Variants in NALCN observed in about 807,000 individuals in gnomAD.
The protein encoded by NALCN is sodium leak channel, non-selective.
A neutral mutation model predicts 225.3 loss-of-function variants in NALCN; 111 were observed. The observed-to-expected ratio is 0.49, with a 90% CI of 0.42 to 0.58. The LOEUF (loss-of-function observed/expected upper bound fraction) is 0.58. Among genes scored for constraint, NALCN ranks in the 20% least tolerant of loss-of-function variants. NALCN has a pLI of 0.00. For synonymous variants in NALCN, 764 were observed against 769.0 expected, an observed-to-expected ratio of 0.99 and a Z score of 0.11; for missense variants, 1,378 against 2,202.4, an observed-to-expected ratio of 0.63 and a Z score of 7.49.
At chr13:101,400,697 C>T (rs777117323) in intron 1 of NALCN, among the ~76,000 whole-genome samples, 2 of 152,164 alleles carry the variant, frequency 1.3e-5, no homozygotes, top group Non-Finnish European at 2.9e-5. Flanking sequence ...CTATCCCCAT[C>T]GCTATGTGCT....
At chr13:101,399,689 A>T (rs1208648499) in intron 1 of NALCN, among the ~76,000 whole-genome samples, 1 of 152,030 alleles carries the variant, frequency 6.6e-6, no homozygotes, top group East Asian at 1.9e-4. Flanking sequence ...TGGGGGAAGA[A>T]CCTCCCCTAA....
At chr13:101,178,053 C>A (rs2139946394) in intron 14 of NALCN, among the ~76,000 whole-genome samples, 1 of 152,274 alleles carries the variant, frequency 6.6e-6, no homozygotes, top group African/African-American at 2.4e-5. Flanking sequence ...CCACTGGTAA[C>A]TGGGCATCAG....
intron 10 of NALCN, among the ~76,000 whole-genome samples, chr13:101,272,196 T>G (rs1334103201): frequency 6.6e-6 from 1 of 152,064 alleles, no homozygotes; most frequent in Non-Finnish European, 1.5e-5. Context: ...GCATGCTGTG[T>G]TTTTGACTGT....
At chr13:101,058,430 T>TG in intron 42 of NALCN, 2 of 146,060 alleles carry the variant, frequency 1.4e-5, no homozygotes, top group Non-Finnish European at 3.0e-5. Flanking sequence ...GCGGGGGCAG[T>TG]CTACTGTCAC....
intron 9 of NALCN, among the ~76,000 whole-genome samples, chr13:101,291,301 G>C (rs531523671): frequency 3.9e-5 from 6 of 152,188 alleles, no homozygotes; most frequent in African/African-American, 1.4e-4. Flanking sequence ...CATTACATAG[G>C]CTTGCAAGTA....
At chr13:101,127,869 C>T (rs948210262) in intron 17 of NALCN, among the ~76,000 whole-genome samples, 1 of 152,020 alleles carries the variant, frequency 6.6e-6, no homozygotes, top group African/African-American at 2.4e-5. Flanking sequence ...TAAAGCTTTG[C>T]GAATTTTTTT....
At chr13:101,387,202 T>TGGGCGACA (rs2047015792) in intron 3 of NALCN, among the ~76,000 whole-genome samples, 1 of 116,736 alleles carries the variant, frequency 8.6e-6, no homozygotes, top group Admixed American at 1.3e-4. Flanking sequence ...CAGTCCGGCC[T>TGGGCGACA]GGGCGACAGA....
intron 7 of NALCN, among the ~76,000 whole-genome samples, chr13:101,294,905 C>A (rs1414812116): frequency 6.6e-6 from 1 of 152,090 alleles, no homozygotes; most frequent in African/African-American, 2.4e-5. Flanking sequence ...GTAACAGTTG[C>A]AGCAAAAGCT....
At position 101,104,115 on chromosome 13, in the gene NALCN, A is replaced by C. The variant is rs115899494; in HGVS notation, c.2889+180T>G. 7.7e-3 allele frequency among the ~76,000 whole-genome samples: 1,166 copies of C among 152,294 alleles called. 17 individuals carry two copies. Among genetic ancestry groups the C allele is most frequent in the African/African-American group, 0.026 (1,100 of 41,552 alleles). On this transcript the variant is annotated intron_variant, in intron 25 of 43. Transcript: ENST00000251127. This position sits in a 1 kb window ranked among gnomAD's most constrained non-coding sequence, Gnocchi z 4.2. Reference sequence around the variant, plus strand: ...TCCATAGATATTTATGATGCTCTTAATTTAGATTTTACATGCATGGCCCTT... The same window carrying C: ...TCCATAGATATTTATGATGCTCTTACTTTAGATTTTACATGCATGGCCCTT...
chr13:101,264,263 G>T (rs2042525306), intron 10 of NALCN, among the ~76,000 whole-genome samples: 4 of 151,986 alleles, frequency 2.6e-5, no homozygotes, highest in Admixed American at 2.6e-4. Flanking sequence ...AGGTCCTTCA[G>T]ACTCCACATA....
intron 3 of NALCN, among the ~76,000 whole-genome samples, chr13:101,391,098 ATAAGT>A (rs957933953): frequency 2.6e-5 from 4 of 152,298 alleles, no homozygotes; most frequent in Admixed American, 1.3e-4. Flanking sequence ...ACAAAAATTA[ATAAGT>A]TAATTAAGCT....
At position 101,350,285 on chromosome 13, in the gene NALCN, G is replaced by A. The variant is rs568064585; in HGVS notation, c.645-4865C>T. 3.9e-5 allele frequency among the ~76,000 whole-genome samples: 6 copies of A among 152,100 alleles called. No homozygotes were observed. In the East Asian group the frequency reaches 9.7e-4, roughly 25 times the overall value. ...TACCCCCTTTCCCCCAAGTATCCCA[G>A]TGTCTGACCACGTTGGCCTTCTCCC... is the stretch of plus-strand genomic sequence containing the variant. On this transcript the variant is annotated intron_variant, in intron 6 of 43. Coordinates refer to ENST00000251127, the MANE Select transcript of NALCN (RefSeq NM_052867.4).
intron 13 of NALCN, among the ~76,000 whole-genome samples, chr13:101,211,479 G>A (rs1302648381): frequency 6.6e-6 from 1 of 151,716 alleles, no homozygotes; most frequent in Non-Finnish European, 1.5e-5. Flanking sequence ...TCCTCTAAAA[G>A]GAAGTACACA....
At chr13:101,096,481 G>A (rs1370726581) in intron 27 of NALCN, among the ~76,000 whole-genome samples, 1 of 152,146 alleles carries the variant, frequency 6.6e-6, no homozygotes, top group Non-Finnish European at 1.5e-5. Context: ...AAGACCATAT[G>A]TTATGATTTT....
At chr13:101,409,950 T>C (rs1179722827) in intron 1 of NALCN, among the ~76,000 whole-genome samples, 1 of 151,582 alleles carries the variant, frequency 6.6e-6, no homozygotes, top group Non-Finnish European at 1.5e-5. Flanking sequence ...CTTTGGGAGG[T>C]CATGAGGCCA....
chr13:101,291,714 AT>A (rs2139046971), intron 9 of NALCN, among the ~76,000 whole-genome samples: 1 of 152,162 alleles, frequency 6.6e-6, no homozygotes, highest in Admixed American at 6.5e-5. Context: ...CTCTTGGCTA[AT>A]TTTTAAAATT....
intron 14 of NALCN, among the ~76,000 whole-genome samples, chr13:101,188,817 G>C (rs1327482765): frequency 6.6e-6 from 1 of 151,672 alleles, no homozygotes; most frequent in East Asian, 1.9e-4. Context: ...ATCCTGAGTA[G>C]CTGGGCTTAC....
chr13:101,116,819 A>G (rs2035739712), intron 18 of NALCN: 2 of 406,786 alleles, frequency 4.9e-6, no homozygotes, highest in South Asian at 3.7e-5. Context: ...TAATCACATT[A>G]GCAGACAACA....
intron 13 of NALCN, among the ~76,000 whole-genome samples, chr13:101,219,486 T>C (rs574731280): frequency 1.3e-5 from 2 of 152,310 alleles, no homozygotes; most frequent in Admixed American, 1.3e-4. Flanking sequence ...ACTTGGAACA[T>C]CCTTTCACCT....
Sources: gnomAD v4.1 joint callset for allele counts (sites outside exome capture counted in the v4.1 genomes callset) on GRCh38, gnomAD v4.1.1 for gene constraint, Gnocchi (gnomAD v3.1) non-coding constraint, MANE v1.5 for transcripts, NCBI Gene and HGNC (gene_info 2026-07-23, HGNC 2026-07-21) for gene names.